Variants in CST9L observed in about 807,000 individuals in gnomAD.
CST9L encodes the protein cystatin-9-like.
CST9L carries 17 observed loss-of-function variants against 13.2 expected under a neutral mutation model. That is an observed-to-expected ratio of 1.29 (90% CI 0.88 to 1.93). CST9L has a LOEUF of 1.93. CST9L is among the 30% of genes most tolerant of loss of function. The pLI, the probability that CST9L is intolerant of heterozygous loss-of-function variation, is 0.00. For synonymous variants in CST9L, 78 were observed against 69.1 expected, an observed-to-expected ratio of 1.13 and a Z score of -0.64; for missense variants, 170 against 170.5, an observed-to-expected ratio of 1.00 and a Z score of 0.02.
At chr20:23,567,138 G>T (rs1296022098) in intron 1 of CST9L, among the ~76,000 whole-genome samples, 1 of 152,156 alleles carries the variant, frequency 6.6e-6, no homozygotes, top group Non-Finnish European at 1.5e-5. Context: ...TTGGTGCAGG[G>T]TTGGGGTCCT....
At chr20:23,565,249 G>A (rs1989075107) in intron 2 of CST9L, among the ~76,000 whole-genome samples, 1 of 152,100 alleles carries the variant, frequency 6.6e-6, no homozygotes, top group African/African-American at 2.4e-5. Flanking sequence ...TCTGACCCAG[G>A]GGCGCCTGTG....
intron 2 of CST9L, 58 bp from the exon 3 acceptor site, chr20:23,565,095 C>T (rs1407624533): frequency 7.3e-6 from 9 of 1,234,036 alleles, no homozygotes; most frequent in Non-Finnish European, 1.1e-5. Context: ...AAGCTCATGG[C>T]TCAAGCTCTG....
intron 1 of CST9L, 111 bp from the exon 2 acceptor site, chr20:23,566,198 GGA>G: frequency 1.3e-6 from 1 of 746,184 alleles, no homozygotes; most frequent in Non-Finnish European, 2.5e-6. Context: ...CCTCCATTAG[GGA>G]GCTTGCCCAT....
chr20:23,568,030 A>G (rs531588468), intron 1 of CST9L, among the ~76,000 whole-genome samples, 181 bp downstream of exon 1: 3 of 152,322 alleles, frequency 2.0e-5, no homozygotes, highest in Admixed American at 6.5e-5. Flanking sequence ...AATTATTTGA[A>G]ATTTCTAACT....
chr20:23,565,120 C>G (rs1989073284), intron 2 of CST9L, 83 bp from the exon 3 acceptor site: 3 of 951,978 alleles, frequency 3.2e-6, no homozygotes, highest in African/African-American at 1.6e-5. Context: ...ATGGCTTCCT[C>G]TCCACATTGC....
At chr20:23,565,552 TGGGTCTAGGGGAGG>T (rs1989080468) in intron 2 of CST9L, among the ~76,000 whole-genome samples, 1 of 152,094 alleles carries the variant, frequency 6.6e-6, no homozygotes, top group Non-Finnish European at 1.5e-5. Context: ...CTACCACTTT[TGGGTCTAGGGGAGG>T]GTAAGGAAAC....
Position 23,566,070 on chromosome 20 carries a change from T to A in CST9L, c.258A>T (p.Val86=), listed in dbSNP as rs765355598. The A allele has an allele frequency of 3.1e-6, 5 of 1,602,284 alleles. No homozygotes were observed. The highest frequency in any genetic ancestry group is 1.1e-5 in the South Asian group (1 of 90,824). ...SWKEQVESKT[V]FSMELLLGRT... ...TCCCCAGCAGTAGCTCCATTGAGAA[T>A]ACAGTCTTGGACTCCACCTATTGCA... Residue 86 remains valine, a synonymous_variant, in exon 2 of 3, where the codon GTA becomes GTT. Coordinates refer to ENST00000376979, the MANE Select transcript of CST9L (RefSeq NM_080610.3).
chr20:23,566,464 C>T (rs908033371), intron 1 of CST9L, among the ~76,000 whole-genome samples: 1 of 152,110 alleles, frequency 6.6e-6, no homozygotes, highest in African/African-American at 2.4e-5. Flanking sequence ...AGCCCTGGGA[C>T]AGAGGGAGCC....
At position 23,564,970 on chromosome 20, in the gene CST9L, G is replaced by A. The variant is rs773159392; in HGVS notation, c.422C>T (p.Thr141Ile). 6.2e-7 allele frequency: 1 copy of A among 1,613,508 alleles called. No individual in the cohort carries two copies. Among genetic ancestry groups the A allele is most frequent in the Non-Finnish European group, 8.5e-7 (1 of 1,179,534 alleles). The part of the protein sequence containing the change: ...WMTQFSLLNK[T>I]CLEGFH ...CACTCAGTGGAATCCCTCCAAGCAGGTCTTGTTCAGGAGGCTGAACTGAGT... is the reference window on the plus strand; with the variant it reads ...CACTCAGTGGAATCCCTCCAAGCAGATCTTGTTCAGGAGGCTGAACTGAGT... Residue 141 changes from threonine to isoleucine, a missense_variant, in exon 3 of 3, where the codon ACC (threonine) becomes ATC (isoleucine). Thr to Ile is a moderately conservative substitution (Grantham distance 89, BLOSUM62 -1). Coordinates refer to ENST00000376979, the MANE Select transcript of CST9L (RefSeq NM_080610.3).
intron 1 of CST9L, among the ~76,000 whole-genome samples, chr20:23,567,960 T>C (rs1278307349): frequency 6.6e-6 from 1 of 152,214 alleles, no homozygotes; most frequent in East Asian, 1.9e-4. Context: ...TTCAGTTAAA[T>C]AATGTCATAA....
rs1600330480 is a variant in CST9L at position 23,564,864 on chromosome 20, C to T, written c.*84G>A. 2 of 926,360 alleles carry T rather than the reference C, an allele frequency of 2.2e-6. No individual in the cohort carries two copies. Among genetic ancestry groups the T allele is most frequent in the African/African-American group, 1.6e-5 (1 of 61,596 alleles). The allele number at this position is 926,360 out of a possible 1,614,324, so 57.4% of individuals were successfully genotyped here. A position where few individuals can be genotyped will look rare whatever the true frequency, so the allele number is the denominator to read the frequency against. Reference sequence around the variant, plus strand: ...AACAAACAAGTCCAAAGCTGCTCAGCCACTGAAGAGTCCTCAGGAGAGTAG... The same window carrying T: ...AACAAACAAGTCCAAAGCTGCTCAGTCACTGAAGAGTCCTCAGGAGAGTAG... On this transcript the variant is annotated 3_prime_UTR_variant, in exon 3 of 3. Transcript: ENST00000376979.
At chr20:23,565,831 C>A (rs530372681) in intron 2 of CST9L, 143 bp downstream of exon 2, 10 of 689,994 alleles carry the variant, frequency 1.4e-5, no homozygotes, top group Admixed American at 6.1e-5. Context: ...GCGCTCCCCA[C>A]TAAGGCACAA....
chr20:23,564,838 T>A lies in CST9L; in HGVS notation c.*110A>T. 1.3e-6 allele frequency: 1 copy of A among 780,930 alleles called. No homozygotes were observed. Among genetic ancestry groups the A allele is most frequent in the Admixed American group, 1.8e-5 (1 of 54,116 alleles). The allele number at this position is 780,930 out of a possible 1,614,324, so 48.4% of individuals were successfully genotyped here. A position where few individuals can be genotyped will look rare whatever the true frequency, so the allele number is the denominator to read the frequency against. Reference sequence around the variant, plus strand: ...GATCTCAAACACATGCAAAATAGGATAACAAACAAGTCCAAAGCTGCTCAG... The same window carrying A: ...GATCTCAAACACATGCAAAATAGGAAAACAAACAAGTCCAAAGCTGCTCAG... On this transcript the variant is annotated 3_prime_UTR_variant, in exon 3 of 3. Coordinates refer to ENST00000376979, the MANE Select transcript of CST9L (RefSeq NM_080610.3).
rs776347598 is a variant in CST9L at position 23,565,000 on chromosome 20, C to A, written c.392G>T (p.Trp131Leu). 3.2e-5 allele frequency: 51 copies of A among 1,613,966 alleles called. No individual in the cohort carries two copies. In the South Asian group the frequency reaches 5.6e-4, roughly 18 times the overall value. Residue 131 changes from tryptophan to leucine, a missense_variant, in exon 3 of 3, where the codon TGG (tryptophan) becomes TTG (leucine). Trp to Leu is a moderately conservative substitution (Grantham distance 61). Coordinates refer to ENST00000376979, the MANE Select transcript of CST9L (RefSeq NM_080610.3). The part of the protein sequence containing the change: ...TCFFTISTRP[W>L]MTQFSLLNKT... ...GTTCAGGAGGCTGAACTGAGTCATC[C>A]AGGGCCTGGTGCTGATGGTGAAGAA... is the stretch of plus-strand genomic sequence containing the variant.
At chr20:23,567,507 C>CA (rs11470332) in intron 1 of CST9L, among the ~76,000 whole-genome samples, 55,650 of 109,970 alleles carry the variant, frequency 0.51, 14,081 homozygotes, top group Non-Finnish European at 0.58. Context: ...GATTCCATCT[C>CA]AAAAAAAAAA....
rs2295564 is a variant in CST9L, at chr20:23,566,002, T to G, written c.326A>C (p.His109Pro). The G allele has an allele frequency of 0.39, 629,714 of 1,595,304 alleles. 127,764 individuals carry two copies. Among genetic ancestry groups the G allele is most frequent in the Middle Eastern group, 0.56 (3,394 of 6,028 alleles). ...GTTCAGCTCTGTGCTTTCTTGGAAA[T>G]GGCAGTTGTCAATGTCGTCTTCAAA... ...GKFEDDIDNC[H>P]FQESTELNNT... The change falls in exon 2 of 3, where the codon CAT becomes CCT. Residue 109 changes from histidine (H) to proline (P), a missense_variant. Physicochemically the swap from His to Pro is moderately conservative, Grantham distance 77 (BLOSUM62 -2). Coordinates refer to ENST00000376979, the MANE Select transcript of CST9L (RefSeq NM_080610.3).
intron 1 of CST9L, among the ~76,000 whole-genome samples, chr20:23,567,498 A>G (rs562836387): frequency 9.4e-6 from 1 of 106,318 alleles, no homozygotes; most frequent in African/African-American, 3.3e-5. Flanking sequence ...ACAGAGCAAG[A>G]TTCCATCTCA....
intron 1 of CST9L, 114 bp from the exon 2 acceptor site, chr20:23,566,201 G>A (rs1271103163): frequency 2.7e-6 from 2 of 735,122 alleles, no homozygotes; most frequent in African/African-American, 1.7e-5. Flanking sequence ...CCATTAGGGA[G>A]CTTGCCCATG....
At position 23,568,341 on chromosome 20, in the gene CST9L, C is replaced by T. The variant is rs1331496453; in HGVS notation, c.110G>A (p.Cys37Tyr). 16 of 1,614,120 alleles carry T rather than the reference C, an allele frequency of 9.9e-6. No individual in the cohort carries two copies. In the Admixed American group the frequency reaches 1.3e-4, roughly 13 times the overall value. ...YAWHFHEQRD[C>Y]DEHNVMARYL... is the part of the protein sequence containing the mutation. ...ACGAGCCATGACATTGTGTTCATCACAGTCCCTTTGCTCGTGGAAATGCCA... is the reference window on the plus strand; with the variant it reads ...ACGAGCCATGACATTGTGTTCATCATAGTCCCTTTGCTCGTGGAAATGCCA... Residue 37 changes from cysteine (C) to tyrosine (Y), a missense_variant, in exon 1 of 3, where the codon TGT becomes TAT. Coordinates refer to ENST00000376979, the MANE Select transcript of CST9L (RefSeq NM_080610.3).
Sources: allele counts gnomAD v4.1 joint callset (sites outside exome capture counted in the v4.1 genomes callset), GRCh38; gene constraint gnomAD v4.1.1; transcripts MANE v1.5; gene names NCBI Gene and HGNC (gene_info 2026-07-23, HGNC 2026-07-21).